Variants in GPR149 observed in about 807,000 individuals in gnomAD.
GPR149 encodes the protein G protein-coupled receptor 149, also known as probable G protein-coupled receptor 149.
In GPR149, 50 loss-of-function variants were observed where a neutral mutation model predicts 50.2. That is an observed-to-expected ratio of 1.00 (90% CI 0.79 to 1.26). The LOEUF is 1.26. Ranked by LOEUF, GPR149 falls within the 50% of genes most tolerant of loss-of-function variation. The pLI, the probability that GPR149 is intolerant of heterozygous loss-of-function variation, is 0.00. For synonymous variants in GPR149, 405 were observed against 358.2 expected (o/e 1.13, Z -1.48); for missense variants, 983 against 895.4 (o/e 1.10, Z -1.25).
intron 3 of GPR149, among the ~76,000 whole-genome samples, chr3:154,349,106 G>A (rs115183532): frequency 2.1e-4 from 32 of 152,132 alleles, no homozygotes; most frequent in African/African-American, 6.5e-4. Flanking sequence ...ATTGGTGCTA[G>A]GGAAGATCTG....
chr3:154,351,311 T>TGCAAAAAAAAAAAAAAAAAAAA lies in GPR149; in HGVS notation c.1624-13041_1624-13040insTTTTTTTTTTTTTTTTTTTTGC, dbSNP rs1341107044. ...GTGCTAGGGCAATTAGACATCCACA[T>TGCAAAAAAAAAAAAAAAAAAAA]ACAAAAAAAAAAAAAAAAAAAAAAA... On this transcript the variant is annotated intron_variant, in intron 3 of 3. Coordinates refer to ENST00000389740, the MANE Select transcript of GPR149 (RefSeq NM_001038705.3). 2.0e-4 allele frequency among the ~76,000 whole-genome samples: 4 copies of TGCAAAAAAAAAAAAAAAAAAAA among 19,680 alleles called. 2 individuals carry two copies. Among genetic ancestry groups the TGCAAAAAAAAAAAAAAAAAAAA allele is most frequent in the African/African-American group, 4.0e-4 (2 of 5,018 alleles). 12.9% of individuals were successfully genotyped at this position (19,680 alleles called of 152,430 possible).
intron 3 of GPR149, among the ~76,000 whole-genome samples, chr3:154,364,221 A>C (rs1452295679): frequency 6.6e-6 from 1 of 152,214 alleles, no homozygotes; most frequent in Non-Finnish European, 1.5e-5. Context: ...CACAGGTCTA[A>C]TCACCTTTCA....
At position 154,383,502 on chromosome 3, in the gene GPR149, A is replaced by G. The variant is rs541497880; in HGVS notation, c.1623+37537T>C. On this transcript the variant is annotated intron_variant, in intron 3 of 3. Transcript: ENST00000389740. ...TGGGGCACACTGCTTGCCATATCGA[A>G]GTAGTTAAAAAAAATGCCTGTTGAC... is the stretch of plus-strand genomic sequence containing the variant. Among the ~76,000 whole-genome samples the G allele has an allele frequency of 4.6e-5, 7 of 152,190 alleles. No individual in the cohort carries two copies. The South Asian group carries it at 1.5e-3, about 32-fold the overall frequency.
At chr3:154,383,986 G>A (rs776980878) in intron 3 of GPR149, among the ~76,000 whole-genome samples, 2 of 152,088 alleles carry the variant, frequency 1.3e-5, no homozygotes, top group African/African-American at 2.4e-5. Flanking sequence ...CCAGAACTGT[G>A]AGAAATAAGT....
At chr3:154,411,041 C>A (rs1414674871) in intron 3 of GPR149, among the ~76,000 whole-genome samples, 4 of 151,928 alleles carry the variant, frequency 2.6e-5, no homozygotes, top group African/African-American at 9.7e-5. Context: ...CAAAAGGAAG[C>A]CTAAAAACCA....
Position 154,409,594 on chromosome 3 carries a change from G to A in GPR149, c.1623+11445C>T, listed in dbSNP as rs372396615. Among the ~76,000 whole-genome samples, 83 of 152,008 alleles carry A rather than the reference G, an allele frequency of 5.5e-4. 1 individual carries two copies. The South Asian group carries it at 0.011, about 20-fold the overall frequency. The stretch of plus-strand genomic sequence containing the variant: ...AGAGAAATGCAAAATGCACTGGAAG[G>A]TCTCAGCAATAGAATTGAACAAGCA... On this transcript the variant is annotated intron_variant, in intron 3 of 3. Transcript: ENST00000389740.
intron 3 of GPR149, among the ~76,000 whole-genome samples, chr3:154,345,471 G>A (rs909720155): frequency 5.3e-5 from 8 of 152,118 alleles, no homozygotes; most frequent in Non-Finnish European, 8.8e-5. Flanking sequence ...CTATGAATTA[G>A]CATATGCTGT....
At chr3:154,357,507 C>G (rs1490315564) in intron 3 of GPR149, among the ~76,000 whole-genome samples, 3 of 151,972 alleles carry the variant, frequency 2.0e-5, no homozygotes, top group South Asian at 4.2e-4. Flanking sequence ...CCAACCCCAT[C>G]AAAAAGACAC....
intron 3 of GPR149, among the ~76,000 whole-genome samples, chr3:154,392,687 A>G (rs1715197776): frequency 6.6e-6 from 1 of 151,848 alleles, no homozygotes; most frequent in African/African-American, 2.4e-5. Flanking sequence ...AACCACTAGT[A>G]GATTAAAAAA....
chr3:154,415,680 C>T (rs199882391), intron 3 of GPR149, among the ~76,000 whole-genome samples: 1 of 151,840 alleles, frequency 6.6e-6, no homozygotes, highest in East Asian at 1.9e-4. Flanking sequence ...ATATTTTATA[C>T]AACAAAATGT....
At chr3:154,406,463 G>A (rs1192115175) in intron 3 of GPR149, among the ~76,000 whole-genome samples, 3 of 152,076 alleles carry the variant, frequency 2.0e-5, no homozygotes, top group Non-Finnish European at 4.4e-5. Flanking sequence ...TACATACAAG[G>A]TTAGTTACTC....
chr3:154,393,455 A>G (rs558072645), intron 3 of GPR149, among the ~76,000 whole-genome samples: 1 of 152,188 alleles, frequency 6.6e-6, no homozygotes, highest in South Asian at 2.1e-4. Flanking sequence ...ACATGAGATT[A>G]TCATAGCTAA....
intron 3 of GPR149, among the ~76,000 whole-genome samples, chr3:154,409,331 C>G (rs1711776001): frequency 6.6e-6 from 1 of 152,078 alleles, no homozygotes; most frequent in Admixed American, 6.5e-5. Context: ...CTTTAACACC[C>G]TGAAAAGATC....
intron 3 of GPR149, among the ~76,000 whole-genome samples, chr3:154,367,949 G>T (rs908891428): frequency 6.6e-6 from 1 of 152,148 alleles, no homozygotes. Context: ...ACTTAAAGGC[G>T]ATTAGCGCGG....
intron 3 of GPR149, among the ~76,000 whole-genome samples, chr3:154,356,359 G>A (rs1382272667): frequency 6.6e-6 from 1 of 152,060 alleles, no homozygotes; most frequent in African/African-American, 2.4e-5. Flanking sequence ...GGAAATAAAG[G>A]GTATTCAATC....
Position 154,429,106 on chromosome 3 carries a change from G to A in GPR149, c.510C>T (p.Cys170=), listed in dbSNP as rs377070084. The A allele has an allele frequency of 2.5e-6, 4 of 1,613,640 alleles. No homozygotes were observed. The South Asian group carries it at 3.3e-5, about 13-fold the overall frequency. The change falls in exon 1 of 4, where the codon TGC becomes TGT. Residue 170 remains cysteine (C), a synonymous_variant. Transcript: ENST00000389740. ...GCGTGCGCACGAAGGCGCCCCAGCC[G>A]CACAGCGGGAGCGCCGAGAGCAGCA... ...ASLLLSALPL[C]GWGAFVRTPW...
intron 2 of GPR149, among the ~76,000 whole-genome samples, chr3:154,423,836 A>AATC (rs775025670): frequency 2.9e-4 from 44 of 151,724 alleles, no homozygotes; most frequent in Non-Finnish European, 5.5e-4. Flanking sequence ...AGGTAACATT[A>AATC]ATTATTATTA....
intron 3 of GPR149, among the ~76,000 whole-genome samples, chr3:154,406,530 T>G (rs1388832698): frequency 1.3e-5 from 2 of 152,220 alleles, no homozygotes; most frequent in Admixed American, 6.5e-5. Flanking sequence ...GTAGTTAAAT[T>G]GACTATGGTA....
intron 3 of GPR149, among the ~76,000 whole-genome samples, chr3:154,395,436 TTA>T (rs201354563): frequency 1.8e-5 from 2 of 112,072 alleles, no homozygotes; most frequent in Non-Finnish European, 3.7e-5. Flanking sequence ...ATATGTAAAA[TTA>T]TATATATATA....
Sources: gnomAD v4.1 joint callset for allele counts (sites outside exome capture counted in the v4.1 genomes callset) on GRCh38, gnomAD v4.1.1 for gene constraint, MANE v1.5 for transcripts, NCBI Gene and HGNC (gene_info 2026-07-23, HGNC 2026-07-21) for gene names.